Variants in DCC observed in about 807,000 individuals in gnomAD.
DCC encodes netrin receptor DCC.
In DCC, 58 loss-of-function variants were observed where a neutral mutation model predicts 172.5. The ratio of observed to expected loss-of-function variants is 0.34; its 90% CI spans 0.27 to 0.42. The LOEUF is 0.42. Ranked by LOEUF, DCC falls within the 10% of genes least tolerant of loss-of-function variation. The pLI, the probability that DCC is intolerant of heterozygous loss-of-function variation, is 1.00. For synonymous variants in DCC, 709 were observed against 644.5 expected (o/e 1.10, Z -1.52); for missense variants, 1,740 against 1,791.0 (o/e 0.97, Z 0.51).
intron 1 of DCC, among the ~76,000 whole-genome samples, chr18:52,711,661 G>T (rs886770682): frequency 6.6e-6 from 1 of 152,042 alleles, no homozygotes; most frequent in Non-Finnish European, 1.5e-5. Flanking sequence ...CTTTGATTTT[G>T]CTGCCATTAT....
intron 13 of DCC, among the ~76,000 whole-genome samples, chr18:53,318,405 T>C (rs1360261349): frequency 6.6e-6 from 1 of 152,178 alleles, no homozygotes; most frequent in Non-Finnish European, 1.5e-5. Context: ...CCTCCAATTA[T>C]GTGGTCAATT....
intron 1 of DCC, among the ~76,000 whole-genome samples, chr18:52,533,544 A>C (rs533086211): frequency 6.6e-6 from 1 of 152,042 alleles, no homozygotes; most frequent in East Asian, 1.9e-4. Context: ...TTTCCCAGAG[A>C]CCATCCAGGT....
intron 15 of DCC, among the ~76,000 whole-genome samples, chr18:53,364,974 T>C (rs1370472506): frequency 6.6e-6 from 1 of 151,524 alleles, no homozygotes; most frequent in Non-Finnish European, 1.5e-5. Flanking sequence ...TTCAGCAAAC[T>C]ATCTCTGAAT....
intron 2 of DCC, among the ~76,000 whole-genome samples, chr18:52,815,814 C>T (rs970702822): frequency 7.9e-5 from 12 of 152,226 alleles, no homozygotes; most frequent in African/African-American, 2.9e-4. Context: ...ATATAAATAT[C>T]TTGCAAAAGA....
chr18:52,672,270 T>C (rs1322823037), intron 1 of DCC, among the ~76,000 whole-genome samples: 1 of 152,222 alleles, frequency 6.6e-6, no homozygotes, highest in Non-Finnish European at 1.5e-5. Context: ...TAAATAGTTC[T>C]ATTAAAAGCA....
At chr18:53,132,581 T>G (rs1354177484) in intron 7 of DCC, among the ~76,000 whole-genome samples, 1 of 152,190 alleles carries the variant, frequency 6.6e-6, no homozygotes, top group Non-Finnish European at 1.5e-5. Flanking sequence ...ATCTTATTCA[T>G]TTAGGCTGTC....
intron 7 of DCC, among the ~76,000 whole-genome samples, chr18:53,108,759 A>G (rs922168215): frequency 6.6e-6 from 1 of 151,548 alleles, no homozygotes; most frequent in Non-Finnish European, 1.5e-5. Context: ...GCATAGCTAT[A>G]GTTTGCTCAA....
chr18:52,526,465 A>T (rs2031983266), intron 1 of DCC, among the ~76,000 whole-genome samples: 1 of 151,956 alleles, frequency 6.6e-6, no homozygotes, highest in Non-Finnish European at 1.5e-5. Context: ...AATTCAGAAC[A>T]TTTGATCTTT....
At chr18:52,462,229 A>C (rs895206998) in intron 1 of DCC, among the ~76,000 whole-genome samples, 1 of 152,098 alleles carries the variant, frequency 6.6e-6, no homozygotes, top group Non-Finnish European at 1.5e-5. Context: ...GGCCCACTAC[A>C]TCATACACAG....
In DCC at chr18:52,340,586, T is replaced by C. The variant is rs1353495143; in HGVS notation, c.-202T>C. The C allele has an allele frequency of 3.1e-6, 2 of 645,618 alleles. No individual in the cohort carries two copies. The highest frequency in any genetic ancestry group is 3.6e-5 in the African/African-American group (2 of 55,404). The allele number at this position is 645,618 out of a possible 1,614,324, so 40.0% of individuals were successfully genotyped here. A position where few individuals can be genotyped will look rare whatever the true frequency, so the allele number is the denominator to read the frequency against. On this transcript the variant is annotated 5_prime_UTR_variant, in exon 1 of 29. Transcript: ENST00000442544. ...TGCTGCCTGCTTTTGCTGCTGATTC[T>C]GTCAGTGGACAAGGAAAAAGGCTTC... is the stretch of plus-strand genomic sequence containing the variant.
chr18:53,442,368 G>A (rs902019046), intron 22 of DCC, among the ~76,000 whole-genome samples: 11 of 151,962 alleles, frequency 7.2e-5, no homozygotes, highest in African/African-American at 2.7e-4. Context: ...TATCTGCTAC[G>A]ATGGTCTGTG....
chr18:52,454,161 G>C (rs917108641), intron 1 of DCC, among the ~76,000 whole-genome samples: 3 of 151,312 alleles, frequency 2.0e-5, no homozygotes, highest in African/African-American at 7.4e-5. Context: ...CACCAGGGAA[G>C]ACATTTTTTG....
chr18:52,521,400 A>C (rs1232599592), intron 1 of DCC, among the ~76,000 whole-genome samples: 2 of 152,096 alleles, frequency 1.3e-5, no homozygotes, highest in South Asian at 2.1e-4. Context: ...AAACGACAAA[A>C]ATTTATTGTC....
intron 7 of DCC, among the ~76,000 whole-genome samples, chr18:53,103,442 A>T (rs2043201578): frequency 6.6e-6 from 1 of 151,864 alleles, no homozygotes; most frequent in Non-Finnish European, 1.5e-5. Flanking sequence ...CATGATCATG[A>T]CTCAGTGCAG....
intron 1 of DCC, among the ~76,000 whole-genome samples, chr18:52,413,813 G>A (rs1037702054): frequency 2.6e-5 from 4 of 152,074 alleles, no homozygotes; most frequent in African/African-American, 9.7e-5. Context: ...ATGTTTGTGA[G>A]TTTCGGTGTC....
intron 7 of DCC, among the ~76,000 whole-genome samples, chr18:53,095,715 T>C (rs529734036): frequency 6.6e-6 from 1 of 152,004 alleles, no homozygotes; most frequent in Admixed American, 6.6e-5. Flanking sequence ...ATTTTAAAAA[T>C]CCTTAATTTA....
intron 5 of DCC, among the ~76,000 whole-genome samples, chr18:52,962,575 T>C (rs1050221449): frequency 1.3e-4 from 19 of 151,910 alleles, no homozygotes; most frequent in Non-Finnish European, 2.5e-4. Flanking sequence ...GAACTAGAAA[T>C]ACCATTTGAC....
chr18:52,775,509 G>A (rs1483044156), intron 2 of DCC, among the ~76,000 whole-genome samples: 1 of 152,202 alleles, frequency 6.6e-6, no homozygotes, highest in Non-Finnish European at 1.5e-5. Flanking sequence ...TTACTGAATG[G>A]AAGTAGCTCT....
At chr18:52,849,478 T>C (rs2038942928) in intron 2 of DCC, among the ~76,000 whole-genome samples, 1 of 152,186 alleles carries the variant, frequency 6.6e-6, no homozygotes, top group Admixed American at 6.5e-5. Flanking sequence ...ATAGTGCCCC[T>C]AGCTGAGCAG....
Sources: allele counts gnomAD v4.1 joint callset (sites outside exome capture counted in the v4.1 genomes callset), GRCh38; gene constraint gnomAD v4.1.1; transcripts MANE v1.5; gene names NCBI Gene and HGNC (gene_info 2026-07-23, HGNC 2026-07-21).